The following VSIR variants were observed in gnomAD, a reference collection of about 807,000 sequenced individuals.
The protein encoded by VSIR is V-type immunoglobulin domain-containing suppressor of T-cell activation.
In VSIR, 10 loss-of-function variants were observed where a neutral mutation model predicts 31.0. The observed-to-expected ratio is 0.32, with a 90% CI of 0.20 to 0.55. The LOEUF is 0.55. Among genes scored for constraint, VSIR ranks in the 20% least tolerant of loss-of-function variants. VSIR has a pLI of 0.93. For synonymous variants in VSIR, 179 were observed against 180.1 expected, an observed-to-expected ratio of 0.99 and a Z score of 0.05; for missense variants, 356 against 416.2, an observed-to-expected ratio of 0.86 and a Z score of 1.26.
intron 3 of VSIR, chr10:71,760,656 G>A: frequency 5.3e-6 from 3 of 564,956 alleles, no homozygotes; most frequent in South Asian, 4.2e-5. Context: ...GTCAAGAGGA[G>A]CAGAGACTCC....
At chr10:71,761,360 T>C (rs1484370132) in intron 2 of VSIR, among the ~76,000 whole-genome samples, 1 of 151,988 alleles carries the variant, frequency 6.6e-6, no homozygotes, top group African/African-American at 2.4e-5. Context: ...CCTCACACAT[T>C]AAAAAGTCTC....
chr10:71,765,092 A>G (rs921920637), intron 1 of VSIR, among the ~76,000 whole-genome samples: 2 of 152,132 alleles, frequency 1.3e-5, no homozygotes, highest in Non-Finnish European at 2.9e-5. Flanking sequence ...GGGCTCTCCC[A>G]CGTACTCCCA....
At chr10:71,772,056 T>C (rs1840697944) in intron 1 of VSIR, among the ~76,000 whole-genome samples, 2 of 152,312 alleles carry the variant, frequency 1.3e-5, no homozygotes, top group Middle Eastern at 3.4e-3. Context: ...CCATGAGCCA[T>C]GGCCTTGGTG....
intron 1 of VSIR, among the ~76,000 whole-genome samples, chr10:71,763,444 A>G (rs1024220152): frequency 1.3e-5 from 2 of 152,196 alleles, no homozygotes; most frequent in East Asian, 1.9e-4. Flanking sequence ...CCCAGAACCA[A>G]TATAATGCCA....
chr10:71,770,703 T>G (rs1840665604), intron 1 of VSIR, among the ~76,000 whole-genome samples: 1 of 152,198 alleles, frequency 6.6e-6, no homozygotes, highest in Non-Finnish European at 1.5e-5. Flanking sequence ...CCATACACTG[T>G]GTGCGGATAG....
Position 71,750,960 on chromosome 10 carries a change from T to A in VSIR, c.*293A>T, listed in dbSNP as rs1839983348. 5.2e-6 allele frequency: 2 copies of A among 385,598 alleles called. No homozygotes were observed. The highest frequency in any genetic ancestry group is 8.7e-5 in the East Asian group (2 of 23,068). The allele number at this position is 385,598 out of a possible 1,614,324, so 23.9% of individuals were successfully genotyped here. ...AGAGCTGCTGAAGGGCTGGACGTTC[T>A]GAGACTTCTTAAGATGTAAGTCATT... On this transcript the variant is annotated 3_prime_UTR_variant, in exon 7 of 7. Coordinates refer to ENST00000394957, the MANE Select transcript of VSIR (RefSeq NM_022153.2).
chr10:71,770,439 C>T (rs201453233), intron 1 of VSIR, among the ~76,000 whole-genome samples: 137 of 113,130 alleles, frequency 1.2e-3, no homozygotes, highest in African/African-American at 3.7e-3. Flanking sequence ...AGGGGCTGTA[C>T]GGAAGCCCTG....
chr10:71,755,343 A>G lies in VSIR; in HGVS notation c.676+16T>C. 1 of 1,603,594 alleles carries G rather than the reference A, an allele frequency of 6.2e-7. No individual in the cohort carries two copies. On this transcript the variant is annotated intron_variant, in intron 4 of 6. Coordinates refer to ENST00000394957, the MANE Select transcript of VSIR (RefSeq NM_022153.2). ...CTCGCACCGTCCACCCACCCCAGGC[A>G]GGGAGGAATACTCACGGCGGTTGGA...
chr10:71,759,082 G>A (rs965723252), intron 3 of VSIR, among the ~76,000 whole-genome samples: 88 of 151,920 alleles, frequency 5.8e-4, no homozygotes, highest in Non-Finnish European at 3.7e-4. Context: ...TCTATCAGCA[G>A]GCTGGAGTGC....
Position 71,751,015 on chromosome 10 carries a change from T to A in VSIR, c.*238A>T. Reference sequence around the variant, plus strand: ...ATCTGTAGCTGGTGAATTTCAGGTCTCTAGGGGAGAATCTCAGCACCCCAA... The same window carrying A: ...ATCTGTAGCTGGTGAATTTCAGGTCACTAGGGGAGAATCTCAGCACCCCAA... On this transcript the variant is annotated 3_prime_UTR_variant, in exon 7 of 7. Transcript: ENST00000394957. This position sits in a 1 kb window ranked among gnomAD's most constrained non-coding sequence, Gnocchi z 4.9. The A allele has an allele frequency of 2.0e-6, 1 of 502,576 alleles. No individual in the cohort carries two copies. The highest frequency in any genetic ancestry group is 3.3e-5 in the South Asian group (1 of 30,638). The allele number at this position is 502,576 out of a possible 1,614,324, so 31.1% of individuals were successfully genotyped here.
At chr10:71,756,347 C>T (rs1277309873) in intron 3 of VSIR, among the ~76,000 whole-genome samples, 2 of 152,192 alleles carry the variant, frequency 1.3e-5, no homozygotes, top group Non-Finnish European at 1.5e-5. Flanking sequence ...TCTGTCTCCC[C>T]TGCCTCATTC....
Position 71,763,909 on chromosome 10 carries a change from C to T in VSIR, c.83-1883G>A, listed in dbSNP as rs138684920. 1.6e-3 allele frequency among the ~76,000 whole-genome samples: 246 copies of T among 152,218 alleles called. No individual in the cohort carries two copies. The South Asian group carries it at 0.019, about 12-fold the overall frequency. ...AACAACTTGTGATCCGATCCTGGGG[C>T]GCTTGTGTTTAAAGGAGAGTCTCCA... is the stretch of plus-strand genomic sequence containing the variant. On this transcript the variant is annotated intron_variant, in intron 1 of 6. Transcript: ENST00000394957.
At chr10:71,753,652 C>G (rs1589397938) in intron 4 of VSIR, among the ~76,000 whole-genome samples, 1 of 152,332 alleles carries the variant, frequency 6.6e-6, no homozygotes, top group African/African-American at 2.4e-5. Context: ...CCCCACCCCC[C>G]AAACTGGCCA....
rs1417676631 is a variant in VSIR at position 71,773,486 on chromosome 10, G to C, written c.-47C>G. 4 of 1,544,440 alleles carry C rather than the reference G, an allele frequency of 2.6e-6. No individual in the cohort carries two copies. The highest frequency in any genetic ancestry group is 1.7e-4 in the Middle Eastern group (1 of 5,814). On this transcript the variant is annotated 5_prime_UTR_variant, in exon 1 of 7. Transcript: ENST00000394957. ...GAACTTCTGGTGCCGGGGAGCGGGCGGGACGCGGCCGGCGCGGGGAAGCCT... is the reference window on the plus strand; with the variant it reads ...GAACTTCTGGTGCCGGGGAGCGGGCCGGACGCGGCCGGCGCGGGGAAGCCT...
chr10:71,770,225 G>A lies in VSIR; in HGVS notation c.82+3133C>T, dbSNP rs182458044. ...TACCATAATATTACACAGTATTCAC[G>A]AGGAGCCGGGTGCTGTGTTAAGTGT... On this transcript the variant is annotated intron_variant, in intron 1 of 6. Coordinates refer to ENST00000394957, the MANE Select transcript of VSIR (RefSeq NM_022153.2). 2.8e-4 allele frequency among the ~76,000 whole-genome samples: 42 copies of A among 152,352 alleles called. No homozygotes were observed. In the East Asian group the frequency reaches 6.4e-3, roughly 23 times the overall value.
chr10:71,752,843 C>T lies in VSIR; in HGVS notation c.704+132G>A. The T allele has an allele frequency of 4.5e-6, 5 of 1,107,628 alleles. No homozygotes were observed. The South Asian group carries it at 8.0e-5, about 18-fold the overall frequency. 68.6% of individuals were successfully genotyped at this position (1,107,628 alleles called of 1,614,324 possible). A position where few individuals can be genotyped will look rare whatever the true frequency, so the allele number is the denominator to read the frequency against. On this transcript the variant is annotated intron_variant, in intron 5 of 6. Transcript: ENST00000394957. The stretch of plus-strand genomic sequence containing the variant: ...CCAATCTGCACAGATGTGCAGGCTT[C>T]AGCAGCAGATGGCAGAGGCTCTTCT...
At position 71,761,843 on chromosome 10, in the gene VSIR, A is replaced by G. The variant is rs749430160; in HGVS notation, c.266T>C (p.Ile89Thr). 1.2e-6 allele frequency: 2 copies of G among 1,614,070 alleles called. No homozygotes were observed. The highest frequency in any genetic ancestry group is 2.2e-5 in the South Asian group (2 of 91,084). The change falls in exon 2 of 7, where the codon ATC becomes ACC. Residue 89 changes from isoleucine to threonine, a missense_variant. Physicochemically the swap from Ile to Thr is moderately conservative, Grantham distance 89 (BLOSUM62 -1). Coordinates refer to ENST00000394957, the MANE Select transcript of VSIR (RefSeq NM_022153.2). ...AAGGTCCTGGAACGTGAGGTTGCGG[A>G]TGGGCCGGCGCTCTGAGCAGGTCTG... ...EVQTCSERRP[I>T]RNLTFQDLHL...
intron 4 of VSIR, 43 bp downstream of exon 4, chr10:71,755,316 C>T (rs532155213): frequency 1.6e-4 from 252 of 1,540,424 alleles, no homozygotes; most frequent in Non-Finnish European, 2.1e-4. Context: ...TGGAGCAGGT[C>T]ACTCGCACCG....
rs768448430 is a variant in VSIR at position 71,773,470 on chromosome 10, G to A, written c.-31C>T. The A allele has an allele frequency of 6.4e-7, 1 of 1,567,276 alleles. No homozygotes were observed. Among genetic ancestry groups the A allele is most frequent in the South Asian group, 1.2e-5 (1 of 86,374 alleles). The stretch of plus-strand genomic sequence containing the variant: ...CGTCGGACGCGCAGAGGAACTTCTG[G>A]TGCCGGGGAGCGGGCGGGACGCGGC... On this transcript the variant is annotated 5_prime_UTR_variant, in exon 1 of 7. Transcript: ENST00000394957.
Sources: gnomAD v4.1 joint callset for allele counts (sites outside exome capture counted in the v4.1 genomes callset) on GRCh38, gnomAD v4.1.1 for gene constraint, Gnocchi (gnomAD v3.1) non-coding constraint, MANE v1.5 for transcripts, NCBI Gene and HGNC (gene_info 2026-07-23, HGNC 2026-07-21) for gene names.